TBC1D13: variants seen among roughly 807,000 people sequenced by gnomAD.
The protein encoded by TBC1D13 is TBC1 domain family member 13, also known as epididymis secretory sperm binding protein.
Under a neutral mutation model 53.6 loss-of-function variants are expected in TBC1D13, and 40 were observed. The ratio of observed to expected loss-of-function variants is 0.75; its 90% confidence interval spans 0.58 to 0.97. TBC1D13 has a LOEUF of 0.97. TBC1D13 is among the 50% of genes least tolerant of loss of function. The probability of loss-of-function intolerance (pLI) is 0.00; values close to 1 mark genes in which losing one functional copy is unlikely to be tolerated. For missense variants in TBC1D13, 377 were observed against 499.4 expected, an observed-to-expected ratio of 0.75 and a Z score of 2.34; for synonymous variants, 182 against 197.7, an observed-to-expected ratio of 0.92 and a Z score of 0.67.
chr9:128,797,309 C>G (rs900141613), intron 7 of TBC1D13, 95 bp downstream of exon 7: 30 of 1,336,620 alleles, frequency 2.2e-5, no homozygotes, highest in Non-Finnish European at 2.9e-5. Context: ...GGGCCATGAC[C>G]ATCTGCTTGA....
At chr9:128,791,507 G>A in intron 4 of TBC1D13, 66 bp downstream of exon 4, 1 of 1,607,186 alleles carries the variant, frequency 6.2e-7, no homozygotes, top group Non-Finnish European at 8.5e-7. Context: ...TACCGCTGGG[G>A]CCGCCCTGCC....
chr9:128,800,553 T>C (rs1469378006), intron 7 of TBC1D13, among the ~76,000 whole-genome samples: 3 of 151,854 alleles, frequency 2.0e-5, no homozygotes, highest in Non-Finnish European at 4.4e-5. Context: ...GTATTTTTAG[T>C]AGAGATTTTT....
At position 128,797,101 on chromosome 9, in the gene TBC1D13, C is replaced by A. The variant is rs779151726; in HGVS notation, c.430C>A (p.Pro144Thr). 6.2e-7 allele frequency: 1 copy of A among 1,614,052 alleles called. No homozygotes were observed. Among genetic ancestry groups the A allele is most frequent in the Non-Finnish European group, 8.5e-7 (1 of 1,180,010 alleles). ...CTTCTTCCAGAGGGCCACTGACTACCCTTGCCTCCTCATCCTGGACCCCCA... is the reference window on the plus strand; with the variant it reads ...CTTCTTCCAGAGGGCCACTGACTACACTTGCCTCCTCATCCTGGACCCCCA... ...ISFFQRATDY[P>T]CLLILDPQNE... Residue 144 changes from proline to threonine, a missense_variant, in exon 7 of 12, where the codon CCT becomes ACT. Pro to Thr is a conservative substitution (Grantham distance 38, BLOSUM62 -1). Transcript: ENST00000372648.
intron 7 of TBC1D13, among the ~76,000 whole-genome samples, chr9:128,801,197 A>G (rs1180572062): frequency 1.3e-5 from 2 of 151,460 alleles, no homozygotes; most frequent in South Asian, 2.1e-4. Context: ...GCATTCTCCT[A>G]CTTACCATTA....
At chr9:128,796,853 G>A (rs1174532300) in intron 6 of TBC1D13, among the ~76,000 whole-genome samples, 2 of 152,000 alleles carry the variant, frequency 1.3e-5, no homozygotes, top group Admixed American at 6.6e-5. Flanking sequence ...GGAGAATGGC[G>A]TGAACCCGGG....
intron 7 of TBC1D13, among the ~76,000 whole-genome samples, chr9:128,802,763 G>A (rs1202011945): frequency 7.0e-6 from 1 of 142,628 alleles, no homozygotes; most frequent in South Asian, 2.2e-4. Flanking sequence ...TTGAGACAGT[G>A]TCTTGTTGTC....
chr9:128,806,227 C>G, intron 10 of TBC1D13, 27 bp from the exon 11 acceptor site: 1 of 1,614,098 alleles, frequency 6.2e-7, no homozygotes, highest in Non-Finnish European at 8.5e-7. Flanking sequence ...TCCCAGGTCC[C>G]AGCGCTTTTG....
rs117263894 is a variant in TBC1D13, at chr9:128,794,152, G to T, written c.383+1578G>T. Among the ~76,000 whole-genome samples the T allele has an allele frequency of 3.8e-3, 580 of 152,330 alleles. 9 individuals carry two copies. The highest frequency in any genetic ancestry group is 0.036 in the East Asian group (185 of 5,174). On this transcript the variant is annotated intron_variant, in intron 6 of 11. Transcript: ENST00000372648. ...GGCAGCAAGCTGGGTGGAAGAGTCTGCTGGGCTGAGGCACAGCACATGAGA... is the reference window on the plus strand; with the variant it reads ...GGCAGCAAGCTGGGTGGAAGAGTCTTCTGGGCTGAGGCACAGCACATGAGA...
chr9:128,799,139 C>T (rs1217272079), intron 7 of TBC1D13, among the ~76,000 whole-genome samples: 1 of 152,180 alleles, frequency 6.6e-6, no homozygotes, highest in Non-Finnish European at 1.5e-5. Flanking sequence ...GACTAGATAA[C>T]CAGGAGGCTG....
chr9:128,807,745 A>G, intron 11 of TBC1D13, 69 bp from the exon 12 acceptor site: 1 of 1,522,518 alleles, frequency 6.6e-7, no homozygotes, highest in East Asian at 2.3e-5. Flanking sequence ...GGGTCCCAGC[A>G]GGGAGGGTGT....
chr9:128,798,359 G>A (rs957287700), intron 7 of TBC1D13, among the ~76,000 whole-genome samples: 30 of 152,220 alleles, frequency 2.0e-4, no homozygotes, highest in African/African-American at 6.8e-4. Context: ...GCCACGGGGT[G>A]GCTAGAAGCA....
At chr9:128,804,996 T>C (rs892931448) in intron 9 of TBC1D13, among the ~76,000 whole-genome samples, 27 of 152,128 alleles carry the variant, frequency 1.8e-4, no homozygotes, top group African/African-American at 6.5e-4. Flanking sequence ...CCCAAAGTGC[T>C]GGGATTACAG....
chr9:128,801,733 G>A (rs1829737096), intron 7 of TBC1D13, among the ~76,000 whole-genome samples: 1 of 150,922 alleles, frequency 6.6e-6, no homozygotes, highest in South Asian at 2.1e-4. Flanking sequence ...GTTTGTTTTT[G>A]ACATATTTAA....
rs1829644276 is a variant in TBC1D13 at position 128,797,103 on chromosome 9, T to C, written c.432T>C (p.Pro144=). 1 of 1,614,086 alleles carries C rather than the reference T, an allele frequency of 6.2e-7. No homozygotes were observed. Among genetic ancestry groups the C allele is most frequent in the Non-Finnish European group, 8.5e-7 (1 of 1,180,004 alleles). Residue 144 remains proline (P), a synonymous_variant, in exon 7 of 12, where the codon CCT becomes CCC. Transcript: ENST00000372648. The part of the protein sequence containing the change: ...ISFFQRATDY[P]CLLILDPQNE... Reference sequence around the variant, plus strand: ...TCTTCCAGAGGGCCACTGACTACCCTTGCCTCCTCATCCTGGACCCCCAGA... The same window carrying C: ...TCTTCCAGAGGGCCACTGACTACCCCTGCCTCCTCATCCTGGACCCCCAGA...
chr9:128,801,505 C>CT (rs1346844401), intron 7 of TBC1D13, among the ~76,000 whole-genome samples: 3 of 152,018 alleles, frequency 2.0e-5, no homozygotes, highest in African/African-American at 7.2e-5. Context: ...TGGTGAAACT[C>CT]TGTCTCTACT....
chr9:128,787,424 T>G (rs1829440835), intron 1 of TBC1D13, 48 bp downstream of exon 1: 2 of 1,248,860 alleles, frequency 1.6e-6, no homozygotes, highest in Non-Finnish European at 2.0e-6. Context: ...CTGGCCAGGC[T>G]GCCCCTTCTG....
chr9:128,806,013 T>C lies in TBC1D13; in HGVS notation c.1073T>C (p.Met358Thr). ...FDFLLLVCCA[M>T]LMLIREQLLE... ...TTCCTCCTCCTCGTCTGCTGCGCCA[T>C]GCTCATGTGAGTGCGGGCATGAGCT... The change falls in exon 10 of 12, where the codon ATG (methionine) becomes ACG (threonine). Residue 358 changes from methionine (M) to threonine (T), a missense_variant. By Grantham distance (81) the Met-to-Thr change is moderately conservative. Transcript: ENST00000372648. 2 of 1,614,012 alleles carry C rather than the reference T, an allele frequency of 1.2e-6. No individual in the cohort carries two copies. Among genetic ancestry groups the C allele is most frequent in the Non-Finnish European group, 1.7e-6 (2 of 1,179,944 alleles).
intron 6 of TBC1D13, among the ~76,000 whole-genome samples, 194 bp downstream of exon 6, chr9:128,792,768 G>C (rs796754940): frequency 6.6e-5 from 10 of 152,288 alleles, no homozygotes; most frequent in African/African-American, 2.4e-4. Context: ...TTCTGTGCTT[G>C]CATGTACCTG....
chr9:128,804,509 C>T (rs1829792143), intron 9 of TBC1D13, among the ~76,000 whole-genome samples: 1 of 151,336 alleles, frequency 6.6e-6, no homozygotes, highest in Admixed American at 6.6e-5. Flanking sequence ...CAGGTTCATG[C>T]CATTCTCCTG....
Sources: gnomAD v4.1 joint callset for allele counts (sites outside exome capture counted in the v4.1 genomes callset) on GRCh38, gnomAD v4.1.1 for gene constraint, MANE v1.5 for transcripts, NCBI Gene and HGNC (gene_info 2026-07-23, HGNC 2026-07-21) for gene names.